SNX24: variants seen among roughly 807,000 people sequenced by gnomAD.
SNX24 encodes sorting nexin 24, also known as sorting nexin-24.
A neutral mutation model predicts 28.7 loss-of-function variants in SNX24; 22 were observed. The ratio of observed to expected loss-of-function variants is 0.77; its 90% CI spans 0.55 to 1.10. The LOEUF (loss-of-function observed/expected upper bound fraction) is 1.10. Ranked by LOEUF, SNX24 falls within the 50% of genes least tolerant of loss-of-function variation. SNX24 has a pLI of 0.00. For synonymous variants in SNX24, 69 were observed against 71.5 expected (o/e 0.96, Z 0.18); for missense variants, 221 against 201.1 (o/e 1.10, Z -0.60).
chr5:122,969,315 C>G (rs1760851211), intron 3 of SNX24, among the ~76,000 whole-genome samples: 1 of 152,094 alleles, frequency 6.6e-6, no homozygotes, highest in African/African-American at 2.4e-5. Context: ...ATAGCTGAAA[C>G]CAGAGTGAAT....
intron 3 of SNX24, among the ~76,000 whole-genome samples, chr5:122,976,807 A>G (rs1023509709): frequency 6.6e-6 from 1 of 152,256 alleles, no homozygotes; most frequent in Non-Finnish European, 1.5e-5. Flanking sequence ...CAGTGACCCC[A>G]GGAAGAAAAA....
intron 1 of SNX24, among the ~76,000 whole-genome samples, chr5:122,929,007 A>C (rs1330982058): frequency 6.6e-6 from 1 of 151,696 alleles, no homozygotes; most frequent in African/African-American, 2.4e-5. Context: ...TGATTGTCCC[A>C]CCCTCCACCC....
chr5:122,984,873 G>A (rs1300476900), intron 3 of SNX24, among the ~76,000 whole-genome samples: 1 of 152,058 alleles, frequency 6.6e-6, no homozygotes, highest in Non-Finnish European at 1.5e-5. Flanking sequence ...CTAATTTTTA[G>A]CCTGCTTTTT....
intron 1 of SNX24, among the ~76,000 whole-genome samples, chr5:122,915,318 A>G (rs1758110989): frequency 6.6e-6 from 1 of 151,998 alleles, no homozygotes; most frequent in Middle Eastern, 3.2e-3. Context: ...AGAATCCATC[A>G]TTTTGCAATC....
intron 1 of SNX24, among the ~76,000 whole-genome samples, chr5:122,860,682 T>C (rs930699824): frequency 6.6e-6 from 1 of 152,120 alleles, no homozygotes; most frequent in Admixed American, 6.5e-5. Context: ...CTGCAAGCTC[T>C]GCCTCCCGGG....
At chr5:122,935,708 C>T (rs1455028551) in intron 1 of SNX24, among the ~76,000 whole-genome samples, 3 of 121,014 alleles carry the variant, frequency 2.5e-5, no homozygotes, top group East Asian at 3.0e-4. Context: ...TGAAGATGTG[C>T]GACCTTGTAT....
rs1024748830 is a variant in SNX24, at chr5:122,956,407, T to C, written c.249+10248T>C. Among the ~76,000 whole-genome samples the C allele has an allele frequency of 3.6e-4, 50 of 137,848 alleles. 1 individual carries two copies. The highest frequency in any genetic ancestry group is 1.0e-3 in the African/African-American group (38 of 37,056). The allele number at this position is 137,848 out of a possible 152,430, so 90.4% of individuals were successfully genotyped here. A position where few individuals can be genotyped will look rare whatever the true frequency, so the allele number is the denominator to read the frequency against. On this transcript the variant is annotated intron_variant, in intron 3 of 6. Transcript: ENST00000261369. Reference sequence around the variant, plus strand: ...ACACACACACACACACACACACACATACACAGCCACCATATTTTTTTTAGC... The same window carrying C: ...ACACACACACACACACACACACACACACACAGCCACCATATTTTTTTTAGC...
chr5:122,886,611 G>A (rs1261214525), intron 1 of SNX24, among the ~76,000 whole-genome samples: 4 of 151,646 alleles, frequency 2.6e-5, no homozygotes, highest in Middle Eastern at 3.4e-3. Context: ...TCAGGAGTTC[G>A]AGACCAGCCT....
chr5:122,972,006 A>G (rs940060206), intron 3 of SNX24, among the ~76,000 whole-genome samples: 43 of 152,232 alleles, frequency 2.8e-4, no homozygotes, highest in African/African-American at 1.0e-3. Flanking sequence ...AATATTAAGA[A>G]CCATCCAAAA....
At chr5:122,996,398 C>T (rs750783722) in intron 3 of SNX24, among the ~76,000 whole-genome samples, 6 of 152,182 alleles carry the variant, frequency 3.9e-5, no homozygotes, top group Non-Finnish European at 7.3e-5. Flanking sequence ...CAGGGGTCTG[C>T]AAACCCCCTG....
At chr5:123,018,787 A>G (rs749568522) in intron 5 of SNX24, among the ~76,000 whole-genome samples, 3 of 152,010 alleles carry the variant, frequency 2.0e-5, no homozygotes, top group African/African-American at 7.2e-5. Flanking sequence ...CCCGGGTTCA[A>G]GCAATTCTCC....
intron 3 of SNX24, among the ~76,000 whole-genome samples, chr5:122,969,140 G>A (rs1760842040): frequency 6.6e-6 from 1 of 151,934 alleles, no homozygotes; most frequent in Non-Finnish European, 1.5e-5. Flanking sequence ...TATTCTTTTT[G>A]TTTATAATTT....
downstream of SNX24, chr5:123,009,317 A>T (rs417268): frequency 6.8e-6 from 4 of 588,912 alleles, no homozygotes; most frequent in African/African-American, 4.0e-5. Flanking sequence ...ATTCACATAG[A>T]TGTTTATTTC....
chr5:122,917,680 G>A (rs1758239975), intron 1 of SNX24, among the ~76,000 whole-genome samples: 1 of 152,146 alleles, frequency 6.6e-6, no homozygotes, highest in Non-Finnish European at 1.5e-5. Context: ...TGTTAGCACA[G>A]AAATCATAAA....
intron 1 of SNX24, among the ~76,000 whole-genome samples, chr5:122,908,076 C>A (rs1277473257): frequency 6.6e-6 from 1 of 152,222 alleles, no homozygotes; most frequent in East Asian, 1.9e-4. Context: ...ACCACATAGA[C>A]AAAACAGTCA....
At chr5:122,923,367 AAAG>A (rs772830794) in intron 1 of SNX24, among the ~76,000 whole-genome samples, 32 of 152,194 alleles carry the variant, frequency 2.1e-4, no homozygotes, top group South Asian at 6.2e-4. Context: ...TTAAAAAAAA[AAAG>A]AAGAATTAAA....
intron 5 of SNX24, among the ~76,000 whole-genome samples, chr5:123,014,544 T>C (rs1452100509): frequency 6.6e-6 from 1 of 151,952 alleles, no homozygotes; most frequent in Non-Finnish European, 1.5e-5. Flanking sequence ...ATTTCCACAA[T>C]GTTATAAATT....
intron 3 of SNX24, among the ~76,000 whole-genome samples, chr5:122,976,426 A>C (rs765657676): frequency 6.6e-6 from 1 of 152,164 alleles, no homozygotes; most frequent in Non-Finnish European, 1.5e-5. Context: ...TTCTTCTTTT[A>C]GCAAGACAAA....
chr5:122,913,299 G>A (rs1757977893), intron 1 of SNX24, among the ~76,000 whole-genome samples: 1 of 151,760 alleles, frequency 6.6e-6, no homozygotes. Context: ...GCCGGGCAGA[G>A]GCGCCCCCCA....
Sources: allele counts gnomAD v4.1 joint callset (sites outside exome capture counted in the v4.1 genomes callset), GRCh38; gene constraint gnomAD v4.1.1; transcripts MANE v1.5; gene names NCBI Gene and HGNC (gene_info 2026-07-23, HGNC 2026-07-21).